P4HA3: variants seen among roughly 807,000 people sequenced by gnomAD.
P4HA3 encodes the protein prolyl 4-hydroxylase subunit alpha 3, also known as prolyl 4-hydroxylase subunit alpha-3.
A neutral mutation model predicts 66.7 loss-of-function variants in P4HA3; 60 were observed. The observed-to-expected ratio is 0.90, with a 90% CI of 0.73 to 1.12. The LOEUF is 1.12. Among genes scored for constraint, P4HA3 ranks in the 50% most tolerant of loss-of-function variants. P4HA3 has a pLI of 0.00. For missense variants in P4HA3, 683 were observed against 685.8 expected (o/e 1.00, Z 0.05); for synonymous variants, 263 against 274.6 (o/e 0.96, Z 0.42).
rs115905838 is a variant in P4HA3 at position 74,297,508 on chromosome 11, C to T, written c.717+704G>A. ...TTGCAGCCTACCCTTGAAGACTGTACAACTCGGGTGGGAAATGGGGTTAGC... is the reference window on the plus strand; with the variant it reads ...TTGCAGCCTACCCTTGAAGACTGTATAACTCGGGTGGGAAATGGGGTTAGC... On this transcript the variant is annotated intron_variant, in intron 4 of 12. Coordinates refer to ENST00000331597, the MANE Select transcript of P4HA3 (RefSeq NM_182904.5). 4.3e-3 allele frequency among the ~76,000 whole-genome samples: 659 copies of T among 152,332 alleles called. 2 individuals carry two copies. The highest frequency in any genetic ancestry group is 0.015 in the African/African-American group (628 of 41,566).
chr11:74,261,764 G>T (rs1460522831), downstream of P4HA3, among the ~76,000 whole-genome samples: 2 of 152,148 alleles, frequency 1.3e-5, no homozygotes, highest in East Asian at 3.8e-4. Flanking sequence ...GCAACATCAG[G>T]AATGCTTAGC....
intron 7 of P4HA3, among the ~76,000 whole-genome samples, chr11:74,285,105 TAATA>T (rs1389286930): frequency 1.3e-5 from 2 of 151,984 alleles, no homozygotes; most frequent in African/African-American, 2.4e-5. Context: ...ATAATAATAA[TAATA>T]TACTGTAATA....
At chr11:74,285,517 T>C (rs1402727145) in intron 7 of P4HA3, 1 of 279,826 alleles carries the variant, frequency 3.6e-6, no homozygotes, top group Admixed American at 4.8e-5. Context: ...ATTTGGTGAG[T>C]TTTGACAAAT....
rs1861433854 is a variant in P4HA3, at chr11:74,302,376, A to T, written c.560T>A (p.Val187Asp). Residue 187 changes from valine to aspartate, a missense_variant, in exon 3 of 13, where the codon GTT (valine) becomes GAT (aspartate). Val to Asp is a radical substitution (Grantham distance 152). Transcript: ENST00000331597. ...FSLTGDDCFQ[V>D]GKVAYDMGDY... Reference sequence around the variant, plus strand: ...TCTCTTGAATATTGTTACCTTGCCAACTTGGAAGCAGTCATCCCCTGTGAG... The same window carrying T: ...TCTCTTGAATATTGTTACCTTGCCATCTTGGAAGCAGTCATCCCCTGTGAG... 6.2e-7 allele frequency: 1 copy of T among 1,612,082 alleles called. No homozygotes were observed. Among genetic ancestry groups the T allele is most frequent in the Non-Finnish European group, 8.5e-7 (1 of 1,179,454 alleles).
chr11:74,262,135 C>A (rs188528974), downstream of P4HA3, among the ~76,000 whole-genome samples: 1 of 152,160 alleles, frequency 6.6e-6, no homozygotes, highest in South Asian at 2.1e-4. Context: ...CTATGGGGCT[C>A]CATCTGAGCG....
chr11:74,272,142 C>G lies in P4HA3; in HGVS notation c.1398+1403G>C, dbSNP rs537346419. 5.3e-4 allele frequency among the ~76,000 whole-genome samples: 81 copies of G among 152,302 alleles called. 1 individual carries two copies. Among genetic ancestry groups the G allele is most frequent in the Admixed American group, 2.5e-3 (38 of 15,300 alleles). On this transcript the variant is annotated intron_variant, in intron 10 of 12. Coordinates refer to ENST00000331597, the MANE Select transcript of P4HA3 (RefSeq NM_182904.5). ...AATCCAAAGTGTATTCCATTCCACT[C>G]TGTCTCAAATACTTAAAACCCAAAT...
At chr11:74,282,389 A>T (rs774745069) in intron 7 of P4HA3, among the ~76,000 whole-genome samples, 2 of 152,232 alleles carry the variant, frequency 1.3e-5, no homozygotes, top group African/African-American at 2.4e-5. Flanking sequence ...ATGGCAATAG[A>T]AAGAGGGACA....
chr11:74,291,213 A>G (rs1174102253), intron 4 of P4HA3, among the ~76,000 whole-genome samples: 1 of 152,142 alleles, frequency 6.6e-6, no homozygotes, highest in Admixed American at 6.5e-5. Flanking sequence ...AGCAATTGTG[A>G]ATGGGAGTTC....
chr11:74,262,409 A>G (rs1859921992), downstream of P4HA3, among the ~76,000 whole-genome samples: 1 of 152,174 alleles, frequency 6.6e-6, no homozygotes, highest in African/African-American at 2.4e-5. Flanking sequence ...AAGAAGGGAA[A>G]GAGGCAGGCT....
intron 11 of P4HA3, among the ~76,000 whole-genome samples, chr11:74,269,034 G>A (rs1305267895): frequency 6.6e-6 from 1 of 152,176 alleles, no homozygotes; most frequent in East Asian, 1.9e-4. Flanking sequence ...CTCAGGATGT[G>A]CCAGGCACTG....
At chr11:74,250,952 AG>A (rs1178604722) in intron 15 of P4HA3, 1 of 1,596,946 alleles carries the variant, frequency 6.3e-7, no homozygotes, top group Non-Finnish European at 8.5e-7. Context: ...ATTCCTCTCC[AG>A]GGAAGTTCCA....
downstream of P4HA3, among the ~76,000 whole-genome samples, chr11:74,262,817 C>G (rs1859929445): frequency 1.3e-5 from 2 of 152,348 alleles, no homozygotes; most frequent in Admixed American, 6.5e-5. Context: ...AGGCCCCCAA[C>G]AGGAGACTCT....
intron 4 of P4HA3, among the ~76,000 whole-genome samples, chr11:74,290,014 G>T (rs375954644): frequency 6.6e-6 from 1 of 152,126 alleles, no homozygotes; most frequent in South Asian, 2.1e-4. Flanking sequence ...TTGAGGAATC[G>T]CCACACTGTC....
chr11:74,289,159 G>T, intron 4 of P4HA3, 29 bp from the exon 5 acceptor site: 1 of 1,488,938 alleles, frequency 6.7e-7, no homozygotes, highest in Non-Finnish European at 9.0e-7. Flanking sequence ...AGAAAAGAAA[G>T]CATTAACTTC....
intron 4 of P4HA3, among the ~76,000 whole-genome samples, chr11:74,297,599 G>A (rs1246418289): frequency 6.6e-6 from 1 of 152,052 alleles, no homozygotes; most frequent in East Asian, 1.9e-4. Flanking sequence ...CTTTATTTAG[G>A]GAAATGAACT....
intron 11 of P4HA3, among the ~76,000 whole-genome samples, chr11:74,268,987 T>C (rs1025019403): frequency 2.0e-5 from 3 of 152,214 alleles, no homozygotes; most frequent in Non-Finnish European, 4.4e-5. Context: ...GTCAAGCTCC[T>C]GAGTATTCAG....
At chr11:74,260,589 T>C (rs1859892035) in intron 14 of P4HA3, among the ~76,000 whole-genome samples, 1 of 152,208 alleles carries the variant, frequency 6.6e-6, no homozygotes. Context: ...ATCATAAAGT[T>C]AGACAAAATC....
At chr11:74,287,001 C>T (rs1292627837) in intron 5 of P4HA3, 2 of 757,682 alleles carry the variant, frequency 2.6e-6, no homozygotes, top group South Asian at 8.7e-5. Flanking sequence ...TCCTAACTGG[C>T]CTAGACCCAG....
chr11:74,277,142 G>C lies in P4HA3; in HGVS notation c.1178C>G (p.Ala393Gly). Residue 393 changes from alanine (A) to glycine (G), a missense_variant and splice_region_variant, in exon 9 of 13, where the codon GCC becomes GGC. By Grantham distance (60) the Ala-to-Gly change is moderately conservative. Coordinates refer to ENST00000331597, the MANE Select transcript of P4HA3 (RefSeq NM_182904.5). ...LQVEYRISKS[A>G]WLKDTVDPKL... Reference sequence around the variant, plus strand: ...TGGGTCAACAGTGTCCTTCAGCCAGGCACTAAAACACACCACAGATTGAAG... The same window carrying C: ...TGGGTCAACAGTGTCCTTCAGCCAGCCACTAAAACACACCACAGATTGAAG... 1 of 1,612,340 alleles carries C rather than the reference G, an allele frequency of 6.2e-7. No individual in the cohort carries two copies. The highest frequency in any genetic ancestry group is 8.5e-7 in the Non-Finnish European group (1 of 1,179,056).
Sources: allele counts gnomAD v4.1 joint callset (sites outside exome capture counted in the v4.1 genomes callset), GRCh38; gene constraint gnomAD v4.1.1; transcripts MANE v1.5; gene names NCBI Gene and HGNC (gene_info 2026-07-23, HGNC 2026-07-21).